The following NCKAP1 variants were observed in gnomAD, a reference collection of about 807,000 sequenced individuals.
The protein encoded by NCKAP1 is nck-associated protein 1.
NCKAP1 carries 21 observed loss-of-function variants against 151.2 expected under a neutral mutation model. The observed-to-expected ratio is 0.14, with a 90% confidence interval of 0.10 to 0.20. NCKAP1 has a LOEUF of 0.20. Ranked by LOEUF, NCKAP1 falls within the 10% of genes least tolerant of loss-of-function variation. The probability of loss-of-function intolerance (pLI) is 1.00; values close to 1 mark genes in which losing one functional copy is unlikely to be tolerated. For missense variants in NCKAP1, 933 were observed against 1,352.1 expected (o/e 0.69, Z 4.86); for synonymous variants, 484 against 451.8 (o/e 1.07, Z -0.90).
chr2:182,990,546 T>C (rs567662906), intron 8 of NCKAP1, among the ~76,000 whole-genome samples: 2 of 152,326 alleles, frequency 1.3e-5, no homozygotes, highest in African/African-American at 2.4e-5. Flanking sequence ...TATAATTTTA[T>C]ACATGCTGAC....
chr2:182,967,056 C>T (rs970440877), intron 16 of NCKAP1, among the ~76,000 whole-genome samples, 160 bp downstream of exon 16: 10 of 152,198 alleles, frequency 6.6e-5, no homozygotes, highest in African/African-American at 2.4e-4. Context: ...GGTTAAACTT[C>T]TTTTTGTTGG....
intron 15 of NCKAP1, 89 bp from the exon 16 acceptor site, chr2:182,967,450 G>T: frequency 8.3e-7 from 1 of 1,206,014 alleles, no homozygotes. Context: ...ATCACTGAAA[G>T]ATACTTAAAC....
In NCKAP1 at chr2:182,916,850, A is replaced by T. The variant is rs1397197425; in HGVS notation, c.*8852T>A. On this transcript the variant is annotated 3_prime_UTR_variant, in exon 31 of 31. Coordinates refer to ENST00000361354, the MANE Select transcript of NCKAP1 (RefSeq NM_013436.5). ...ATTAATTTTAGCATCGTTTTCTGTT[A>T]AAGTTACATGACAGGGAAAATAATC... 6.6e-6 allele frequency: 1 copy of T among 152,234 alleles called. No homozygotes were observed. Among genetic ancestry groups the T allele is most frequent in the Non-Finnish European group, 1.5e-5 (1 of 68,044 alleles). 9.4% of individuals were successfully genotyped at this position (152,234 alleles called of 1,614,324 possible). A position where few individuals can be genotyped will look rare whatever the true frequency, so the allele number is the denominator to read the frequency against.
chr2:182,979,229 T>C (rs1462468598), intron 13 of NCKAP1, among the ~76,000 whole-genome samples: 2 of 152,126 alleles, frequency 1.3e-5, no homozygotes, highest in African/African-American at 2.4e-5. Context: ...CAGGGGCTTA[T>C]GCAAGAATGA....
chr2:183,020,057 T>TA (rs1204167275), intron 2 of NCKAP1, among the ~76,000 whole-genome samples: 144 of 151,630 alleles, frequency 9.5e-4, no homozygotes, highest in African/African-American at 3.1e-3. Flanking sequence ...GGGCAGTTAT[T>TA]AAAAAAAACA....
At chr2:183,018,515 C>T (rs1475830852) in intron 2 of NCKAP1, among the ~76,000 whole-genome samples, 2 of 152,050 alleles carry the variant, frequency 1.3e-5, no homozygotes, top group African/African-American at 4.8e-5. Flanking sequence ...TGTCAAGGGC[C>T]TCCCTACACC....
chr2:182,987,173 C>CAG (rs1698073562), intron 9 of NCKAP1, among the ~76,000 whole-genome samples: 1 of 152,048 alleles, frequency 6.6e-6, no homozygotes, highest in Admixed American at 6.6e-5. Flanking sequence ...TGCCGTGAGG[C>CAG]AGAGGTTGCA....
At position 182,987,366 on chromosome 2, in the gene NCKAP1, T is replaced by G. The variant is rs539305257; in HGVS notation, c.948-1139A>C. Among the ~76,000 whole-genome samples, 19 of 152,290 alleles carry G rather than the reference T, an allele frequency of 1.2e-4. No individual in the cohort carries two copies. The South Asian group carries it at 3.9e-3, about 32-fold the overall frequency. On this transcript the variant is annotated intron_variant, in intron 9 of 30. Transcript: ENST00000361354. ...GAGCAAATTTCCAAAATATAATAAT[T>G]CTGTAATCATCACCCTCTATAATTA... is the stretch of plus-strand genomic sequence containing the variant.
intron 10 of NCKAP1, among the ~76,000 whole-genome samples, chr2:182,984,667 C>G (rs1479809967): frequency 6.6e-6 from 1 of 151,586 alleles, no homozygotes; most frequent in East Asian, 1.9e-4. Context: ...ATATATAGTG[C>G]TTCTGTTACT....
intron 1 of NCKAP1, among the ~76,000 whole-genome samples, chr2:183,037,551 G>A (rs1011578976): frequency 4.6e-5 from 7 of 152,234 alleles, no homozygotes; most frequent in Non-Finnish European, 7.3e-5. Flanking sequence ...AAATGGGGAT[G>A]TGGGGTGTAA....
chr2:182,987,623 A>G (rs958656844), intron 9 of NCKAP1, among the ~76,000 whole-genome samples: 8 of 152,308 alleles, frequency 5.3e-5, no homozygotes, highest in African/African-American at 1.2e-4. Flanking sequence ...AAATGTTTAC[A>G]TATATTTACA....
At chr2:182,971,013 C>T (rs150979024) in intron 15 of NCKAP1, among the ~76,000 whole-genome samples, 30 of 152,082 alleles carry the variant, frequency 2.0e-4, no homozygotes, top group African/African-American at 7.0e-4. Context: ...AAAAAAAAGC[C>T]TATGAACAAA....
chr2:182,994,895 A>G lies in NCKAP1; in HGVS notation c.742-8T>C. 6.3e-7 allele frequency: 1 copy of G among 1,595,474 alleles called. No individual in the cohort carries two copies. The highest frequency in any genetic ancestry group is 1.1e-5 in the South Asian group (1 of 90,454). On this transcript the variant is annotated splice_polypyrimidine_tract_variant and splice_region_variant and intron_variant, in intron 7 of 30. Coordinates refer to ENST00000361354, the MANE Select transcript of NCKAP1 (RefSeq NM_013436.5). ...GAGGTATTCACAAGGCATCTTAAAA[A>G]GAGAATATATACATTTGCAGTTAAA...
chr2:182,962,319 A>G (rs2105833556), intron 17 of NCKAP1, 41 bp from the exon 18 acceptor site: 3 of 1,529,866 alleles, frequency 2.0e-6, no homozygotes, highest in Non-Finnish European at 2.7e-6. Flanking sequence ...AGTTATAAAG[A>G]AAGTACGTTG....
chr2:182,971,082 T>C (rs1174611149), intron 15 of NCKAP1, among the ~76,000 whole-genome samples: 1 of 151,904 alleles, frequency 6.6e-6, no homozygotes, highest in East Asian at 1.9e-4. Flanking sequence ...TGAAGGAAAC[T>C]GAAGAAGACA....
At chr2:183,027,383 T>A (rs192063781) in intron 1 of NCKAP1, among the ~76,000 whole-genome samples, 1 of 152,338 alleles carries the variant, frequency 6.6e-6, no homozygotes, top group Admixed American at 6.5e-5. Context: ...CTAGGCCCCA[T>A]CTTATCTTTT....
At chr2:183,022,331 TTA>T in intron 2 of NCKAP1, among the ~76,000 whole-genome samples, 1 of 152,220 alleles carries the variant, frequency 6.6e-6, no homozygotes, top group East Asian at 1.9e-4. Flanking sequence ...AATCTCTCTT[TTA>T]GAGTGAGTAT....
intron 1 of NCKAP1, among the ~76,000 whole-genome samples, chr2:183,036,324 C>T (rs1157113050): frequency 6.6e-6 from 1 of 152,110 alleles, no homozygotes; most frequent in Non-Finnish European, 1.5e-5. Flanking sequence ...CTCTCACTTC[C>T]TCTTTTAGAA....
intron 16 of NCKAP1, 85 bp downstream of exon 16, chr2:182,967,131 G>T: frequency 7.9e-7 from 1 of 1,267,314 alleles, no homozygotes; most frequent in Non-Finnish European, 1.1e-6. Context: ...CTGTCTTAAG[G>T]ACTATGCTAA....
Sources: allele counts gnomAD v4.1 joint callset (sites outside exome capture counted in the v4.1 genomes callset), GRCh38; gene constraint gnomAD v4.1.1; transcripts MANE v1.5; gene names NCBI Gene and HGNC (gene_info 2026-07-23, HGNC 2026-07-21).